Variants in CDH13 observed in about 807,000 individuals in gnomAD.
CDH13 encodes the protein cadherin-13.
Under a neutral mutation model 63.8 loss-of-function variants are expected in CDH13, and 24 were observed. The observed-to-expected ratio is 0.38, with a 90% confidence interval of 0.27 to 0.53. The LOEUF (loss-of-function observed/expected upper bound fraction) is 0.53, where lower values mean the gene tolerates loss of function less well. Among genes scored for constraint, CDH13 ranks in the 20% least tolerant of loss-of-function variants. The probability of loss-of-function intolerance (pLI) is 0.85; values close to 1 mark genes in which losing one functional copy is unlikely to be tolerated. For synonymous variants in CDH13, 503 were observed against 355.3 expected (o/e 1.42, Z -4.67); for missense variants, 1,049 against 903.1 (o/e 1.16, Z -2.07).
intron 2 of CDH13, among the ~76,000 whole-genome samples, chr16:82,992,309 C>T (rs1911747809): frequency 6.6e-6 from 1 of 152,110 alleles, no homozygotes; most frequent in African/African-American, 2.4e-5. Context: ...TCAGAATCAC[C>T]AAGGATGTTT....
chr16:83,574,522 G>A (rs1904930172), intron 7 of CDH13, among the ~76,000 whole-genome samples: 1 of 152,160 alleles, frequency 6.6e-6, no homozygotes, highest in Non-Finnish European at 1.5e-5. Context: ...TTGCTGCTCT[G>A]AGATCAGACC....
At chr16:83,046,548 C>G (rs1179334562) in intron 3 of CDH13, among the ~76,000 whole-genome samples, 1 of 152,056 alleles carries the variant, frequency 6.6e-6, no homozygotes, top group Non-Finnish European at 1.5e-5. Flanking sequence ...ATTTCAAATG[C>G]AAACAAAAAT....
chr16:83,739,465 A>G (rs1268759260), intron 10 of CDH13, among the ~76,000 whole-genome samples: 1 of 152,132 alleles, frequency 6.6e-6, no homozygotes, highest in Admixed American at 6.5e-5. Flanking sequence ...TTTCCCTGTG[A>G]TAAGTTTTAA....
chr16:83,031,554 C>G (rs1293105232), intron 2 of CDH13, among the ~76,000 whole-genome samples: 1 of 151,790 alleles, frequency 6.6e-6, no homozygotes, highest in Non-Finnish European at 1.5e-5. Flanking sequence ...TTTGAATAGC[C>G]TATAATGTCT....
rs1289722382 is a variant in CDH13 at position 83,560,995 on chromosome 16, C to T, written c.961-41459C>T. ...TAGAACAAGTAAGAAGTATGATCAC[C>T]TGTAAGTTCATGCTACATTTTCTGG... is the stretch of plus-strand genomic sequence containing the variant. On this transcript the variant is annotated intron_variant, in intron 7 of 13. Transcript: ENST00000567109. Among the ~76,000 whole-genome samples the T allele has an allele frequency of 1.3e-5, 2 of 152,256 alleles. 1 individual carries two copies. Among genetic ancestry groups the T allele is most frequent in the African/African-American group, 4.8e-5 (2 of 41,556 alleles).
At chr16:83,020,473 C>T (rs1915244768) in intron 2 of CDH13, among the ~76,000 whole-genome samples, 1 of 152,182 alleles carries the variant, frequency 6.6e-6, no homozygotes, top group Non-Finnish European at 1.5e-5. Context: ...TATGACTGCT[C>T]TAGTGTTCTC....
At chr16:82,647,779 G>C (rs57853211) in intron 1 of CDH13, among the ~76,000 whole-genome samples, 12,231 of 152,216 alleles carry the variant, frequency 0.08, 1,510 homozygotes, top group African/African-American at 0.27. Context: ...AGAGACAGGA[G>C]CTTGGGGTTG....
At chr16:82,740,051 G>C (rs1227516708) in intron 1 of CDH13, among the ~76,000 whole-genome samples, 3 of 152,122 alleles carry the variant, frequency 2.0e-5, no homozygotes, top group Admixed American at 2.0e-4. Context: ...TTAATGAGCA[G>C]AATGTGGACG....
chr16:83,159,816 T>C (rs1277947279), intron 4 of CDH13, among the ~76,000 whole-genome samples: 1 of 152,210 alleles, frequency 6.6e-6, no homozygotes, highest in Admixed American at 6.5e-5. Flanking sequence ...GGGTCATGTC[T>C]GTAATCCTAG....
intron 2 of CDH13, among the ~76,000 whole-genome samples, chr16:82,930,937 G>A (rs1440231324): frequency 6.6e-6 from 1 of 152,186 alleles, no homozygotes; most frequent in Non-Finnish European, 1.5e-5. Flanking sequence ...TCTAATGTTC[G>A]ACTTGTGGCT....
chr16:82,666,819 C>G (rs924732984), intron 1 of CDH13, among the ~76,000 whole-genome samples: 3 of 152,076 alleles, frequency 2.0e-5, no homozygotes, highest in African/African-American at 7.2e-5. Context: ...ACATTTAATC[C>G]CAGAGCCAGC....
rs201807963 is a variant in CDH13, at chr16:83,142,165, T to TG, written c.483+16664_483+16665insG. Among the ~76,000 whole-genome samples the TG allele has an allele frequency of 4.2e-3, 621 of 146,218 alleles. 4 individuals carry two copies. The highest frequency in any genetic ancestry group is 0.013 in the African/African-American group (507 of 39,574). ...ATTTTTGTTTGTTTGTTTTTGTTTTTTTTTTTTTTTTTTTGAAATGGAGTC... is the reference window on the plus strand; with the variant it reads ...ATTTTTGTTTGTTTGTTTTTGTTTTTGTTTTTTTTTTTTTTGAAATGGAGTC... On this transcript the variant is annotated intron_variant, in intron 4 of 13. Coordinates refer to ENST00000567109, the MANE Select transcript of CDH13 (RefSeq NM_001257.5).
intron 5 of CDH13, among the ~76,000 whole-genome samples, chr16:83,288,840 C>T (rs1278711163): frequency 6.6e-6 from 1 of 152,128 alleles, no homozygotes; most frequent in Non-Finnish European, 1.5e-5. Context: ...TTGATGAAAC[C>T]AGCAGTCTAA....
In CDH13 at chr16:83,217,479, A is replaced by G. The variant is rs1450188742; in HGVS notation, c.618A>G (p.Glu206=). 6.2e-7 allele frequency: 1 copy of G among 1,613,598 alleles called. No individual in the cohort carries two copies. Among genetic ancestry groups the G allele is most frequent in the African/African-American group, 1.3e-5 (1 of 74,928 alleles). The part of the protein sequence containing the change: ...SVSVTRTLDR[E]VIAVYQLFVE... ...CCGTGACACGGACCTTGGACAGAGA[A>G]GTAATCGCTGTTTATCAAGTGAGTA... The change falls in exon 5 of 14, where the codon GAA becomes GAG. Residue 206 remains glutamate (E), a synonymous_variant. Coordinates refer to ENST00000567109, the MANE Select transcript of CDH13 (RefSeq NM_001257.5).
intron 7 of CDH13, among the ~76,000 whole-genome samples, chr16:83,542,199 C>A (rs890944568): frequency 1.3e-5 from 2 of 152,180 alleles, no homozygotes; most frequent in Non-Finnish European, 2.9e-5. Context: ...TGAAAGACAT[C>A]ACTCTAGACC....
intron 8 of CDH13, 115 bp from the exon 9 acceptor site, chr16:83,670,675 A>T: frequency 2.1e-6 from 2 of 943,600 alleles, no homozygotes; most frequent in East Asian, 2.6e-5. Context: ...TAATCCTCTT[A>T]TGTTATTATT....
intron 1 of CDH13, among the ~76,000 whole-genome samples, chr16:82,770,219 G>A (rs1363011789): frequency 1.3e-5 from 2 of 152,212 alleles, no homozygotes; most frequent in African/African-American, 2.4e-5. Context: ...GAATAGTAAT[G>A]TTTTCCCTTG....
chr16:83,580,048 C>G (rs1009917530), intron 7 of CDH13, among the ~76,000 whole-genome samples: 2 of 151,992 alleles, frequency 1.3e-5, no homozygotes, highest in African/African-American at 2.4e-5. Flanking sequence ...TTAAGTACTG[C>G]TGATAGATAA....
At chr16:82,847,061 A>T (rs1025849185) in intron 1 of CDH13, among the ~76,000 whole-genome samples, 3 of 152,056 alleles carry the variant, frequency 2.0e-5, no homozygotes, top group Non-Finnish European at 4.4e-5. Context: ...CCTCGCCTTC[A>T]AATTCCCTCT....
Sources: allele counts gnomAD v4.1 joint callset (sites outside exome capture counted in the v4.1 genomes callset), GRCh38; gene constraint gnomAD v4.1.1; transcripts MANE v1.5; gene names NCBI Gene and HGNC (gene_info 2026-07-23, HGNC 2026-07-21).